The following ZNF423 variants were observed in gnomAD, a reference collection of about 807,000 sequenced individuals.
ZNF423 encodes zinc finger protein 423.
ZNF423 carries 12 observed loss-of-function variants against 95.8 expected under a neutral mutation model. The observed-to-expected ratio is 0.13, with a 90% CI of 0.08 to 0.20. The LOEUF is 0.20. ZNF423 is among the 10% of genes least tolerant of loss of function. The pLI is 1.00. For missense variants in ZNF423, 1,316 were observed against 1,737.1 expected (o/e 0.76, Z 4.31); for synonymous variants, 749 against 711.9 (o/e 1.05, Z -0.83).
chr16:49,537,535 G>C (rs891101663), intron 5 of ZNF423, among the ~76,000 whole-genome samples: 2 of 152,208 alleles, frequency 1.3e-5, no homozygotes, highest in Admixed American at 6.5e-5. Flanking sequence ...CTCCTTCCAA[G>C]TAGTCACATG....
At chr16:49,680,759 A>C (rs1303759175) in intron 3 of ZNF423, among the ~76,000 whole-genome samples, 1 of 152,182 alleles carries the variant, frequency 6.6e-6, no homozygotes, top group Non-Finnish European at 1.5e-5. Flanking sequence ...ACGGCTCTGC[A>C]CCTGGATCAC....
At chr16:49,560,135 G>C (rs569271387) in intron 5 of ZNF423, among the ~76,000 whole-genome samples, 16 of 152,290 alleles carry the variant, frequency 1.1e-4, no homozygotes, top group African/African-American at 3.6e-4. Flanking sequence ...AATAGCAATA[G>C]CATCGAAGCC....
Position 49,815,922 on chromosome 16 carries a change from T to A in ZNF423, c.41-26376A>T, listed in dbSNP as rs1238512910. Among the ~76,000 whole-genome samples, 533 of 72,532 alleles carry A rather than the reference T, an allele frequency of 7.3e-3. 15 individuals carry two copies. The highest frequency in any genetic ancestry group is 0.029 in the African/African-American group (490 of 16,734). 47.6% of individuals were successfully genotyped at this position (72,532 alleles called of 152,430 possible). On this transcript the variant is annotated intron_variant, in intron 1 of 7. Transcript: ENST00000563137. ...TATATATATATATATATATTTTTTT[T>A]TTTTTTTTTTTTTTGAGACAAAGTC...
At chr16:49,661,564 C>CA (rs2030230463) in intron 3 of ZNF423, among the ~76,000 whole-genome samples, 1 of 152,212 alleles carries the variant, frequency 6.6e-6, no homozygotes, top group Non-Finnish European at 1.5e-5. Context: ...CCTGGGCTTC[C>CA]CTGTCTCTGT....
intron 1 of ZNF423, among the ~76,000 whole-genome samples, chr16:49,846,447 C>T (rs2035247274): frequency 6.6e-6 from 1 of 152,102 alleles, no homozygotes; most frequent in South Asian, 2.1e-4. Context: ...TCCAAGGTTC[C>T]TTTTCAACCT....
intron 2 of ZNF423, among the ~76,000 whole-genome samples, chr16:49,752,157 A>G (rs1362683359): frequency 6.6e-6 from 1 of 152,256 alleles, no homozygotes; most frequent in African/African-American, 2.4e-5. Context: ...CTCAGGAATC[A>G]AAGAATGCGG....
chr16:49,805,120 C>T (rs747819764), intron 1 of ZNF423, among the ~76,000 whole-genome samples: 3 of 151,964 alleles, frequency 2.0e-5, no homozygotes, highest in South Asian at 2.1e-4. Flanking sequence ...GAACTGGTCT[C>T]GAACTCCTGA....
chr16:49,730,451 T>G (rs1460983828), intron 3 of ZNF423: 1 of 388,852 alleles, frequency 2.6e-6, no homozygotes, highest in African/African-American at 2.0e-5. Flanking sequence ...ACCTCTTAAT[T>G]ACTGCGTTTC....
intron 1 of ZNF423, among the ~76,000 whole-genome samples, chr16:49,797,699 C>T (rs1413115957): frequency 6.6e-6 from 1 of 152,218 alleles, no homozygotes; most frequent in Admixed American, 6.5e-5. Context: ...ACATCACAAT[C>T]ACCTTTGTTT....
At chr16:49,605,208 G>A (rs754109960) in intron 5 of ZNF423, among the ~76,000 whole-genome samples, 1 of 152,124 alleles carries the variant, frequency 6.6e-6, no homozygotes, top group South Asian at 2.1e-4. Flanking sequence ...GACTTCCCTG[G>A]AGATACAAAT....
rs560621388 is a variant in ZNF423 at position 49,638,582 on chromosome 16, G to A, written c.594C>T (p.Gly198=). 42 of 1,613,744 alleles carry A rather than the reference G, an allele frequency of 2.6e-5. No individual in the cohort carries two copies. In the East Asian group the frequency reaches 4.2e-4, roughly 16 times the overall value. Residue 198 remains glycine, a synonymous_variant, in exon 4 of 8, where the codon GGC becomes GGT. Coordinates refer to ENST00000563137, the MANE Select transcript of ZNF423 (RefSeq NM_001379286.1). The surrounding 1 kb of genome is among the most constrained non-coding windows in gnomAD (Gnocchi z 5.6). ...SRDRHIKLHT[G]DKKYHCHECE... ...ACTCGTGGCAGTGATACTTCTTGTC[G>A]CCCGTATGCAGCTTGATGTGCCGGT...
chr16:49,539,022 G>T (rs1297254091), intron 5 of ZNF423, among the ~76,000 whole-genome samples: 2 of 152,208 alleles, frequency 1.3e-5, no homozygotes, highest in Non-Finnish European at 2.9e-5. Flanking sequence ...CTAATAGTTT[G>T]CTGTGCACAT....
chr16:49,500,342 C>A (rs73578425), intron 7 of ZNF423, among the ~76,000 whole-genome samples: 3,371 of 152,250 alleles, frequency 0.022, 131 homozygotes, highest in African/African-American at 0.077. Context: ...ACTTCTGTGG[C>A]CTTTGGCCCC....
intron 3 of ZNF423, among the ~76,000 whole-genome samples, chr16:49,689,328 C>A (rs922654089): frequency 1.3e-5 from 2 of 150,694 alleles, no homozygotes; most frequent in African/African-American, 4.9e-5. Context: ...CGTGGTGGTG[C>A]GTGCCTGTGG....
At chr16:49,689,073 G>A (rs1373829628) in intron 3 of ZNF423, among the ~76,000 whole-genome samples, 1 of 152,168 alleles carries the variant, frequency 6.6e-6, no homozygotes, top group Non-Finnish European at 1.5e-5. Flanking sequence ...GTGTAGGGAT[G>A]AGAAGGATTT....
At chr16:49,814,000 G>A (rs546116716) in intron 1 of ZNF423, among the ~76,000 whole-genome samples, 1 of 152,340 alleles carries the variant, frequency 6.6e-6, no homozygotes, top group South Asian at 2.1e-4. Context: ...CCTCAAGGAC[G>A]TTAGCAGGAT....
chr16:49,777,852 G>A (rs2034145622), intron 2 of ZNF423, among the ~76,000 whole-genome samples: 1 of 152,216 alleles, frequency 6.6e-6, no homozygotes, highest in African/African-American at 2.4e-5. Context: ...CCAAGTGGAT[G>A]CTCACTAGAT....
chr16:49,616,285 A>G (rs1360571478), intron 5 of ZNF423, among the ~76,000 whole-genome samples: 2 of 152,148 alleles, frequency 1.3e-5, no homozygotes, highest in Admixed American at 6.6e-5. Context: ...AACTGAACTC[A>G]TGGAGATAGA....
chr16:49,564,227 A>G (rs1970110518), intron 5 of ZNF423, among the ~76,000 whole-genome samples: 1 of 152,232 alleles, frequency 6.6e-6, no homozygotes, highest in African/African-American at 2.4e-5. Context: ...ATCGCAATGT[A>G]GTTAAGTTGG....
Sources: allele counts gnomAD v4.1 joint callset (sites outside exome capture counted in the v4.1 genomes callset), GRCh38; gene constraint gnomAD v4.1.1; non-coding constraint Gnocchi (gnomAD v3.1); transcripts MANE v1.5; gene names NCBI Gene and HGNC (gene_info 2026-07-23, HGNC 2026-07-21).